USP6: variants seen among roughly 807,000 people sequenced by gnomAD.
The protein encoded by USP6 is ubiquitin specific peptidase 6, also known as ubiquitin carboxyl-terminal hydrolase 6.
In USP6, 128 loss-of-function variants were observed where a neutral mutation model predicts 175.7. That is an observed-to-expected ratio of 0.73 (90% CI 0.63 to 0.84). USP6 has a LOEUF of 0.84. USP6 is among the 40% of genes least tolerant of loss of function. USP6 has a pLI of 0.00. For missense variants in USP6, 1,498 were observed against 1,760.3 expected, an observed-to-expected ratio of 0.85 and a Z score of 2.67; for synonymous variants, 562 against 630.6, an observed-to-expected ratio of 0.89 and a Z score of 1.63.
At chr17:5,143,773 G>A (rs1175512999) in intron 25 of USP6, among the ~76,000 whole-genome samples, 1 of 151,494 alleles carries the variant, frequency 6.6e-6, no homozygotes, top group Admixed American at 6.6e-5. Flanking sequence ...AAAAAAATTT[G>A]GTAGGCATAG....
chr17:5,152,015 G>A (rs1459950060), intron 30 of USP6, among the ~76,000 whole-genome samples: 4 of 151,978 alleles, frequency 2.6e-5, no homozygotes, highest in Admixed American at 2.0e-4. Context: ...GAGATGAGAC[G>A]GACGGGTCAC....
chr17:5,124,287 G>A (rs2072818488), intron 4 of USP6, among the ~76,000 whole-genome samples: 1 of 152,178 alleles, frequency 6.6e-6, no homozygotes, highest in African/African-American at 2.4e-5. Flanking sequence ...GATGCAATGA[G>A]GTTGGGCGGT....
chr17:5,138,900 T>G, intron 21 of USP6: 4 of 962,252 alleles, frequency 4.2e-6, no homozygotes, highest in Non-Finnish European at 5.9e-6. Context: ...GGTCCCCATG[T>G]GAGGTGGCAA....
At chr17:5,121,243 G>C (rs2072655040) in intron 3 of USP6, 132 bp from the exon 4 acceptor site, 2 of 377,272 alleles carry the variant, frequency 5.3e-6, no homozygotes, top group Middle Eastern at 1.9e-3. Context: ...TGGGTGCAGA[G>C]GGTCTTTGTG....
intron 33 of USP6, among the ~76,000 whole-genome samples, chr17:5,165,640 T>G (rs2074081788): frequency 1.3e-5 from 2 of 152,176 alleles, no homozygotes; most frequent in African/African-American, 4.8e-5. Flanking sequence ...AGACAAATTC[T>G]TAGGCCTCTC....
In USP6 at chr17:5,132,286, A is replaced by C. The variant is rs530699964; in HGVS notation, c.156-110A>C. 2.7e-5 allele frequency: 43 copies of C among 1,609,442 alleles called. 1 individual carries two copies. The East Asian group carries it at 9.4e-4, about 35-fold the overall frequency. On this transcript the variant is annotated intron_variant, in intron 11 of 37. Transcript: ENST00000574788. The surrounding 1 kb of genome is among the most constrained non-coding windows in gnomAD (Gnocchi z 4.7). ...CTTCCCTGTGCCTTCTCCCGGGCTGAGCCCTGAGCTGGATAGGGACAGAGC... is the reference window on the plus strand; with the variant it reads ...CTTCCCTGTGCCTTCTCCCGGGCTGCGCCCTGAGCTGGATAGGGACAGAGC...
intron 32 of USP6, 69 bp from the exon 33 acceptor site, chr17:5,162,815 T>G: frequency 2.6e-6 from 4 of 1,561,880 alleles, no homozygotes; most frequent in Non-Finnish European, 3.4e-6. Context: ...GGGAGAATAT[T>G]TTTTATTAAG....
intron 1 of USP6, among the ~76,000 whole-genome samples, chr17:5,116,968 T>C (rs919484406): frequency 1.3e-5 from 2 of 152,166 alleles, no homozygotes; most frequent in African/African-American, 4.8e-5. Context: ...GGGCGGTGCC[T>C]ACATTCTTGG....
chr17:5,137,217 G>A (rs766307574), intron 19 of USP6, 31 bp downstream of exon 19: 7 of 1,609,956 alleles, frequency 4.3e-6, no homozygotes, highest in Non-Finnish European at 5.9e-6. Flanking sequence ...CCTGGCTCAG[G>A]GACCCTCCTT....
chr17:5,141,538 A>G (rs1472294608), intron 23 of USP6, 39 bp downstream of exon 23: 12 of 1,518,096 alleles, frequency 7.9e-6, no homozygotes, highest in Non-Finnish European at 1.1e-5. Flanking sequence ...GATTATTTTA[A>G]ATGTATTTTT....
chr17:5,172,975 G>C lies in USP6; in HGVS notation c.4218G>C (p.Gln1406His). 6.2e-7 allele frequency: 1 copy of C among 1,613,724 alleles called. No individual in the cohort carries two copies. Residue 1406 changes from glutamine to histidine, a missense_variant, in exon 38 of 38, where the codon CAG becomes CAC. Physicochemically the swap from Gln to His is conservative, Grantham distance 24. Coordinates refer to ENST00000574788, the MANE Select transcript of USP6 (RefSeq NM_001304284.2). ...ESDYEKYSML[Q>H] ...ATTACGAAAAGTACTCTATGTTACA[G>C]TAAAGCTACCACTCTGGCTGCTAGA... is the stretch of plus-strand genomic sequence containing the variant.
intron 30 of USP6, among the ~76,000 whole-genome samples, chr17:5,149,053 G>A (rs1051646867): frequency 3.3e-5 from 5 of 152,042 alleles, no homozygotes; most frequent in East Asian, 3.9e-4. Context: ...TTCCTCATCC[G>A]TATATTAAGA....
chr17:5,121,308 C>A (rs1597954836), intron 3 of USP6, 67 bp from the exon 4 acceptor site: 1 of 350,918 alleles, frequency 2.8e-6, no homozygotes, highest in East Asian at 7.5e-5. Context: ...ATATGGTTCT[C>A]AGCCCCTTTC....
At chr17:5,143,866 C>G (rs1284748928) in intron 25 of USP6, among the ~76,000 whole-genome samples, 1 of 151,910 alleles carries the variant, frequency 6.6e-6, no homozygotes, top group Non-Finnish European at 1.5e-5. Flanking sequence ...GTGGTGTTTG[C>G]AATGAGCCAA....
At position 5,135,930 on chromosome 17, in the gene USP6, T is replaced by C. The variant is rs947433312; in HGVS notation, c.664+2T>C. 22 of 1,597,934 alleles carry C rather than the reference T, an allele frequency of 1.4e-5. No homozygotes were observed. The highest frequency in any genetic ancestry group is 1.9e-5 in the Non-Finnish European group (22 of 1,179,750). On this transcript the variant is annotated splice_donor_variant, in intron 17 of 37. Coordinates refer to ENST00000574788, the MANE Select transcript of USP6 (RefSeq NM_001304284.2). LOFTEE classifies it high-confidence loss of function. ...CCAGTGAGAGGCACTCCCTGCCAGG[T>C]AGGTGAACAGCTGCCCGTGGGGCCT... is the stretch of plus-strand genomic sequence containing the variant.
chr17:5,142,736 C>A (rs566232639), intron 25 of USP6, among the ~76,000 whole-genome samples: 7 of 152,162 alleles, frequency 4.6e-5, no homozygotes. Context: ...GGATGTCATT[C>A]ATTTTACTAA....
In USP6 at chr17:5,122,980, A is replaced by G. The variant is rs1414811623; in HGVS notation, c.-1299+1230A>G. ...AGTCGGCGAGTTGGAAACTTACTGC[A>G]ATCGTCCTCTCGTAGCCTTGGGCGT... On this transcript the variant is annotated intron_variant, in intron 4 of 37. Transcript: ENST00000574788. 5 of 152,800 alleles carry G rather than the reference A, an allele frequency of 3.3e-5. No individual in the cohort carries two copies. The East Asian group carries it at 7.7e-4, about 24-fold the overall frequency. The allele number at this position is 152,800 out of a possible 1,614,324, so 9.5% of individuals were successfully genotyped here.
intron 21 of USP6, among the ~76,000 whole-genome samples, chr17:5,138,669 C>G (rs1262916499): frequency 6.6e-6 from 1 of 152,184 alleles, no homozygotes; most frequent in Non-Finnish European, 1.5e-5. Flanking sequence ...CACGCTCCTC[C>G]AAGGTTGCCA....
At chr17:5,120,879 T>C in intron 3 of USP6, 91 bp downstream of exon 3, 1 of 454,552 alleles carries the variant, frequency 2.2e-6, no homozygotes, top group Non-Finnish European at 4.4e-6. Context: ...CCACAGGCTG[T>C]CCCAGTTGGA....
Sources: allele counts gnomAD v4.1 joint callset (sites outside exome capture counted in the v4.1 genomes callset), GRCh38; gene constraint gnomAD v4.1.1; non-coding constraint Gnocchi (gnomAD v3.1); transcripts MANE v1.5; gene names NCBI Gene and HGNC (gene_info 2026-07-23, HGNC 2026-07-21).